Variants in SRGAP1 observed in about 807,000 individuals in gnomAD.
SRGAP1 encodes SLIT-ROBO Rho GTPase-activating protein 1.
Under a neutral mutation model 121.9 loss-of-function variants are expected in SRGAP1, and 43 were observed. The ratio of observed to expected loss-of-function variants is 0.35; its 90% CI spans 0.28 to 0.46. The LOEUF is 0.46. Among genes scored for constraint, SRGAP1 ranks in the 20% least tolerant of loss-of-function variants. The pLI is 1.00. For missense variants in SRGAP1, 1,102 were observed against 1,350.9 expected (o/e 0.82, Z 2.89); for synonymous variants, 447 against 485.4 (o/e 0.92, Z 1.04).
chr12:63,988,264 G>A (rs1565624662), intron 2 of SRGAP1, among the ~76,000 whole-genome samples: 1 of 152,108 alleles, frequency 6.6e-6, no homozygotes, highest in Non-Finnish European at 1.5e-5. Context: ...GAAAGAATTT[G>A]TGGGTTACTT....
intron 1 of SRGAP1, among the ~76,000 whole-genome samples, chr12:63,905,777 T>C (rs1405686068): frequency 3.3e-5 from 5 of 152,228 alleles, no homozygotes. Context: ...CCTTTTGCTA[T>C]GTTGGAGCTA....
chr12:64,089,346 G>T (rs1226844177), intron 11 of SRGAP1, among the ~76,000 whole-genome samples: 1 of 152,116 alleles, frequency 6.6e-6, no homozygotes, highest in East Asian at 1.9e-4. Flanking sequence ...AAAGACTCCT[G>T]CCCACATTTT....
At chr12:63,918,738 A>ATTG in intron 1 of SRGAP1, among the ~76,000 whole-genome samples, 1 of 152,122 alleles carries the variant, frequency 6.6e-6, no homozygotes. Context: ...CTTTGTTTGC[A>ATTG]CTATCTAGGC....
At chr12:64,128,649 C>G (rs1158620792) in intron 21 of SRGAP1, among the ~76,000 whole-genome samples, 1 of 152,156 alleles carries the variant, frequency 6.6e-6, no homozygotes. Flanking sequence ...TTTCAAGACC[C>G]CCAGTGGATG....
At chr12:64,093,534 G>A (rs1183789931) in intron 12 of SRGAP1, among the ~76,000 whole-genome samples, 1 of 151,992 alleles carries the variant, frequency 6.6e-6, no homozygotes, top group Non-Finnish European at 1.5e-5. Flanking sequence ...AAAATATGTT[G>A]CTTTCAGATT....
intron 1 of SRGAP1, among the ~76,000 whole-genome samples, chr12:63,925,634 A>C (rs2031230812): frequency 1.3e-5 from 2 of 152,212 alleles, no homozygotes; most frequent in Admixed American, 1.3e-4. Flanking sequence ...TTAATATCTA[A>C]AGTAGAAAAA....
chr12:63,856,289 TA>T (rs1565922415), intron 1 of SRGAP1, among the ~76,000 whole-genome samples: 1 of 137,914 alleles, frequency 7.3e-6, no homozygotes. Context: ...AATAAATAAA[TA>T]AATAAAAAGA....
chr12:63,944,403 C>A (rs909235639), intron 1 of SRGAP1, among the ~76,000 whole-genome samples: 6 of 152,206 alleles, frequency 3.9e-5, no homozygotes, highest in African/African-American at 1.2e-4. Flanking sequence ...ATCTTCTCAA[C>A]CTTGCATGGC....
chr12:63,945,418 C>T (rs2136355398), intron 1 of SRGAP1, among the ~76,000 whole-genome samples: 1 of 152,196 alleles, frequency 6.6e-6, no homozygotes, highest in South Asian at 2.1e-4. Flanking sequence ...CTCCCCCAGC[C>T]CCCTACCCCT....
chr12:64,160,625 C>G lies in SRGAP1; in HGVS notation c.*17953C>G, dbSNP rs1335734846. The G allele has an allele frequency of 6.6e-6, 1 of 152,184 alleles. No individual in the cohort carries two copies. Among genetic ancestry groups the G allele is most frequent in the South Asian group, 2.1e-4 (1 of 4,836 alleles). 9.4% of individuals were successfully genotyped at this position (152,184 alleles called of 1,614,324 possible). On this transcript the variant is annotated 3_prime_UTR_variant, in exon 22 of 22. Coordinates refer to ENST00000355086, the MANE Select transcript of SRGAP1 (RefSeq NM_020762.4). Reference sequence around the variant, plus strand: ...TCTCCTATTTTCCTTACCCCTTTGTCTTCACAAGGAAGCCCAGACTCTGTT... The same window carrying G: ...TCTCCTATTTTCCTTACCCCTTTGTGTTCACAAGGAAGCCCAGACTCTGTT...
At position 63,992,942 on chromosome 12, in the gene SRGAP1, A is replaced by G. The variant is rs146754588; in HGVS notation, c.426+2870A>G. Among the ~76,000 whole-genome samples the G allele has an allele frequency of 7.4e-3, 1,130 of 152,270 alleles. 11 individuals carry two copies. The highest frequency in any genetic ancestry group is 0.023 in the African/African-American group (937 of 41,536). ...CCATTGCTGACCACCTGGAAGGGTA[A>G]CAAGTCATTACAATTACAGGTGTGA... On this transcript the variant is annotated intron_variant, in intron 3 of 21. Transcript: ENST00000355086.
At chr12:63,970,480 A>T (rs1324447491) in intron 1 of SRGAP1, among the ~76,000 whole-genome samples, 4 of 152,206 alleles carry the variant, frequency 2.6e-5, no homozygotes, top group African/African-American at 7.2e-5. Flanking sequence ...TCATCATAGT[A>T]TTTCTGCAAT....
intron 8 of SRGAP1, among the ~76,000 whole-genome samples, chr12:64,068,729 G>A (rs1426564288): frequency 1.3e-5 from 2 of 152,000 alleles, no homozygotes; most frequent in East Asian, 3.9e-4. Flanking sequence ...TAATATGCAG[G>A]GTGGGCACAG....
intron 3 of SRGAP1, among the ~76,000 whole-genome samples, chr12:64,015,277 A>G (rs535630541): frequency 1.3e-5 from 2 of 152,328 alleles, no homozygotes; most frequent in South Asian, 2.1e-4. Flanking sequence ...GATTTGTAGT[A>G]TAATATATAC....
At chr12:63,872,029 T>C (rs1899871292) in intron 1 of SRGAP1, 2 of 814,404 alleles carry the variant, frequency 2.5e-6, no homozygotes, top group Non-Finnish European at 4.3e-6. Flanking sequence ...TCTTCGGGTT[T>C]AGGTACGTTG....
Position 64,020,042 on chromosome 12 carries a change from A to T in SRGAP1, c.489+3030A>T, listed in dbSNP as rs552191026. The stretch of plus-strand genomic sequence containing the variant: ...ATATGCCAGTGGAGTACTTAATTTT[A>T]AATTACAGTCAACCTTTGTGGTGGG... On this transcript the variant is annotated intron_variant, in intron 4 of 21. Coordinates refer to ENST00000355086, the MANE Select transcript of SRGAP1 (RefSeq NM_020762.4). Among the ~76,000 whole-genome samples the T allele has an allele frequency of 5.9e-5, 9 of 152,192 alleles. 1 individual carries two copies. The South Asian group carries it at 1.9e-3, about 32-fold the overall frequency.
intron 1 of SRGAP1, among the ~76,000 whole-genome samples, chr12:63,932,319 C>T (rs369758960): frequency 1.3e-5 from 2 of 151,986 alleles, no homozygotes; most frequent in African/African-American, 2.4e-5. Flanking sequence ...GTTTGAAAAC[C>T]GTAGAATGTG....
At chr12:63,903,539 C>T (rs774138452) in intron 1 of SRGAP1, among the ~76,000 whole-genome samples, 1 of 151,794 alleles carries the variant, frequency 6.6e-6, no homozygotes, top group African/African-American at 2.4e-5. Context: ...AGCCACCGCG[C>T]CCAGCCTGTT....
intron 1 of SRGAP1, among the ~76,000 whole-genome samples, chr12:63,859,605 T>C (rs548248641): frequency 1.6e-4 from 25 of 152,334 alleles, no homozygotes; most frequent in African/African-American, 5.3e-4. Flanking sequence ...CATTCTTTTT[T>C]ATCCTTATTT....
Sources: allele counts gnomAD v4.1 joint callset (sites outside exome capture counted in the v4.1 genomes callset), GRCh38; gene constraint gnomAD v4.1.1; transcripts MANE v1.5; gene names NCBI Gene and HGNC (gene_info 2026-07-23, HGNC 2026-07-21).